Variants in TDRP observed in about 807,000 individuals in gnomAD.
TDRP encodes testis development-related protein.
A neutral mutation model predicts 10.5 loss-of-function variants in TDRP; 12 were observed. The observed-to-expected ratio is 1.15, with a 90% CI of 0.73 to 1.86. The LOEUF is 1.86. Ranked by LOEUF, TDRP falls within the 40% of genes most tolerant of loss-of-function variation. The pLI, the probability that TDRP is intolerant of heterozygous loss-of-function variation, is 0.00. For synonymous variants in TDRP, 139 were observed against 95.4 expected, an observed-to-expected ratio of 1.46 and a Z score of -2.67; for missense variants, 353 against 229.2, an observed-to-expected ratio of 1.54 and a Z score of -3.49.
intron 1 of TDRP, among the ~76,000 whole-genome samples, chr8:522,360 G>A (rs1197425766): frequency 6.6e-6 from 1 of 152,152 alleles, no homozygotes; most frequent in African/African-American, 2.4e-5. Flanking sequence ...AATTCCCCTT[G>A]AGGAAGAGAA....
chr8:527,908 T>C (rs1262309878), intron 1 of TDRP, among the ~76,000 whole-genome samples: 1 of 151,950 alleles, frequency 6.6e-6, no homozygotes, highest in Non-Finnish European at 1.5e-5. Context: ...ACTGGACAAA[T>C]GGGATCACAT....
intron 1 of TDRP, among the ~76,000 whole-genome samples, chr8:515,584 G>C (rs552659753): frequency 3.3e-4 from 50 of 152,172 alleles, no homozygotes; most frequent in Admixed American, 7.2e-4. Context: ...TTTTAGATTA[G>C]AGATGCTCAA....
intron 1 of TDRP, among the ~76,000 whole-genome samples, chr8:513,626 A>G (rs908481020): frequency 2.0e-5 from 3 of 152,238 alleles, no homozygotes; most frequent in East Asian, 1.9e-4. Flanking sequence ...TGCCTCTTCT[A>G]TTCAACACCG....
chr8:533,743 T>C (rs1181327901), intron 1 of TDRP, among the ~76,000 whole-genome samples: 2 of 152,168 alleles, frequency 1.3e-5, no homozygotes, highest in East Asian at 3.9e-4. Flanking sequence ...ACTGCTTCAT[T>C]TTCTATCCCC....
chr8:542,454 G>A (rs1163634223), intron 1 of TDRP, among the ~76,000 whole-genome samples: 1 of 152,078 alleles, frequency 6.6e-6, no homozygotes, highest in African/African-American at 2.4e-5. Context: ...GGGGGCTGGG[G>A]ATCCATGAGA....
intron 1 of TDRP, among the ~76,000 whole-genome samples, chr8:542,857 C>A (rs373072892): frequency 4.3e-3 from 457 of 105,526 alleles, no homozygotes; most frequent in African/African-American, 6.1e-3. Flanking sequence ...AACTTCATCT[C>A]AAAAAAAAAA....
At chr8:542,686 C>G (rs1802530849) in intron 1 of TDRP, among the ~76,000 whole-genome samples, 1 of 151,840 alleles carries the variant, frequency 6.6e-6, no homozygotes, top group African/African-American at 2.4e-5. Flanking sequence ...CCAACATGGA[C>G]AACTCTGTCT....
At chr8:513,671 G>C (rs531802430) in intron 1 of TDRP, among the ~76,000 whole-genome samples, 8 of 152,136 alleles carry the variant, frequency 5.3e-5, no homozygotes, top group Admixed American at 2.0e-4. Context: ...GACAAGAAAA[G>C]TAAAATGCAT....
At position 492,537 on chromosome 8, in the gene TDRP, G is replaced by A. The variant is rs762498472; in HGVS notation, c.420C>T (p.Ala140=). The A allele has an allele frequency of 1.2e-6, 2 of 1,611,616 alleles. No homozygotes were observed. Among genetic ancestry groups the A allele is most frequent in the East Asian group, 2.2e-5 (1 of 44,822 alleles). ...GGCTGGTGTACTTGGTCGAGCCCTT[G>A]GCGTCATCCTCCCAGCCTGACCAGG... ...HPSWSGWEDD[A]KGSTKYTSLA... The change falls in exon 3 of 3, where the codon GCC becomes GCT. Residue 140 remains alanine (A), a synonymous_variant. Coordinates refer to ENST00000324079, the MANE Select transcript of TDRP (RefSeq NM_001384899.1).
chr8:516,722 A>C (rs1801765541), intron 1 of TDRP, among the ~76,000 whole-genome samples: 1 of 152,196 alleles, frequency 6.6e-6, no homozygotes, highest in African/African-American at 2.4e-5. Flanking sequence ...CACTCTCACC[A>C]TGCAAGCCGG....
intron 1 of TDRP, among the ~76,000 whole-genome samples, chr8:512,026 A>G (rs1801633389): frequency 6.6e-6 from 1 of 152,334 alleles, no homozygotes; most frequent in East Asian, 1.9e-4. Context: ...AACTAAACCT[A>G]AAGGAAGCAA....
At chr8:542,993 G>A (rs527260780) in intron 1 of TDRP, among the ~76,000 whole-genome samples, 198 of 151,782 alleles carry the variant, frequency 1.3e-3, no homozygotes, top group African/African-American at 4.6e-3. Context: ...CTACTTTTCC[G>A]CATGTTAGAA....
intron 1 of TDRP, among the ~76,000 whole-genome samples, 198 bp downstream of exon 1, chr8:544,452 C>A (rs1383157395): frequency 1.3e-5 from 2 of 152,118 alleles, no homozygotes; most frequent in Non-Finnish European, 2.9e-5. Context: ...CAGCCCAGGA[C>A]GAGCCTCGGG....
chr8:505,757 G>A (rs72507616), intron 1 of TDRP, among the ~76,000 whole-genome samples: 40 of 152,304 alleles, frequency 2.6e-4, no homozygotes, highest in Middle Eastern at 3.4e-3. Context: ...AAGAGAAATC[G>A]TGAGCTGCTG....
At chr8:522,921 AAGTG>A (rs1459766418) in intron 1 of TDRP, among the ~76,000 whole-genome samples, 8 of 152,194 alleles carry the variant, frequency 5.3e-5, no homozygotes, top group Non-Finnish European at 1.2e-4. Context: ...CTTATATCTA[AAGTG>A]AGTATCTTGT....
At chr8:539,969 A>T (rs1214403988) in intron 1 of TDRP, among the ~76,000 whole-genome samples, 1 of 152,228 alleles carries the variant, frequency 6.6e-6, no homozygotes, top group African/African-American at 2.4e-5. Flanking sequence ...TTAAATTTGT[A>T]AGTGAAAATA....
Position 492,072 on chromosome 8 carries a change from C to T in TDRP, c.*327G>A. On this transcript the variant is annotated 3_prime_UTR_variant, in exon 3 of 3. Coordinates refer to ENST00000324079, the MANE Select transcript of TDRP (RefSeq NM_001384899.1). Reference sequence around the variant, plus strand: ...GAAACAGAACTACAACACAGAGCAGCATGAAAATCATTTTGTGAGAAACTG... The same window carrying T: ...GAAACAGAACTACAACACAGAGCAGTATGAAAATCATTTTGTGAGAAACTG... 1 of 1,155,420 alleles carries T rather than the reference C, an allele frequency of 8.7e-7. No individual in the cohort carries two copies. The highest frequency in any genetic ancestry group is 1.1e-6 in the Non-Finnish European group (1 of 940,246). 71.6% of individuals were successfully genotyped at this position (1,155,420 alleles called of 1,614,324 possible).
At chr8:501,209 A>C (rs986289297) in intron 1 of TDRP, among the ~76,000 whole-genome samples, 1 of 152,038 alleles carries the variant, frequency 6.6e-6, no homozygotes, top group African/African-American at 2.4e-5. Flanking sequence ...CCATCTCAAA[A>C]AAACAAACAA....
chr8:520,580 A>G (rs894847597), intron 1 of TDRP, among the ~76,000 whole-genome samples: 5 of 152,228 alleles, frequency 3.3e-5, no homozygotes, highest in African/African-American at 1.2e-4. Context: ...CAGGTGTTCC[A>G]ATCTCCCCGC....
Sources: allele counts gnomAD v4.1 joint callset (sites outside exome capture counted in the v4.1 genomes callset), GRCh38; gene constraint gnomAD v4.1.1; transcripts MANE v1.5; gene names NCBI Gene and HGNC (gene_info 2026-07-23, HGNC 2026-07-21).